IL1RAPL2: variants seen among roughly 807,000 people sequenced by gnomAD.
The protein encoded by IL1RAPL2 is interleukin 1 receptor accessory protein like 2.
Under a neutral mutation model 44.1 loss-of-function variants are expected in IL1RAPL2, and 3 were observed. The observed-to-expected ratio is 0.07, with a 90% CI of 0.03 to 0.18. The LOEUF is 0.18. IL1RAPL2 is among the 10% of genes least tolerant of loss of function. The pLI, the probability that IL1RAPL2 is intolerant of heterozygous loss-of-function variation, is 1.00. For missense variants in IL1RAPL2, 391 were observed against 496.4 expected, an observed-to-expected ratio of 0.79 and a Z score of 2.02; for synonymous variants, 181 against 178.8, an observed-to-expected ratio of 1.01 and a Z score of -0.10.
In IL1RAPL2 at chrX:105,584,982, A is replaced by AT. The variant is rs1385028292; in HGVS notation, c.772+100604dup. ...TCTGTATGATTCCTTTTAGATCACT[A>AT]TTTTTTTTTCCTTTGGAGTGTTTAA... On this transcript the variant is annotated intron_variant, in intron 6 of 10. Coordinates refer to ENST00000372582, the MANE Select transcript of IL1RAPL2 (RefSeq NM_017416.2). Among the ~76,000 whole-genome samples the AT allele has an allele frequency of 7.4e-5, 8 of 107,878 alleles. No individual in the cohort carries two copies. The South Asian group carries it at 1.2e-3, about 16-fold the overall frequency. The allele number at this position is 107,878 out of a possible 115,157, so 93.7% of individuals were successfully genotyped here.
intron 6 of IL1RAPL2, among the ~76,000 whole-genome samples, chrX:105,523,469 A>G (rs2036573519): frequency 9.0e-6 from 1 of 110,930 alleles, no homozygotes; most frequent in Non-Finnish European, 1.9e-5. Context: ...TCAAATCCAC[A>G]TTAGAAACAC....
At chrX:104,885,184 T>C (rs1923196810) in intron 2 of IL1RAPL2, among the ~76,000 whole-genome samples, 1 of 111,326 alleles carries the variant, frequency 9.0e-6, no homozygotes, top group Admixed American at 9.6e-5. Context: ...GCCTGAGAGT[T>C]TGGAGATACC....
intron 6 of IL1RAPL2, among the ~76,000 whole-genome samples, chrX:105,609,490 C>T (rs1258266711): frequency 1.8e-5 from 2 of 111,332 alleles, no homozygotes; most frequent in African/African-American, 3.3e-5. Flanking sequence ...ATATTTTCCT[C>T]ATAGAAAAAT....
chrX:105,334,183 C>A (rs2035010519), intron 5 of IL1RAPL2, among the ~76,000 whole-genome samples: 1 of 111,914 alleles, frequency 8.9e-6, no homozygotes, highest in African/African-American at 3.2e-5. Flanking sequence ...TACAATTCAG[C>A]CATAAACAAG....
intron 2 of IL1RAPL2, among the ~76,000 whole-genome samples, chrX:105,105,452 A>AC (rs2032727260): frequency 1.8e-5 from 2 of 112,269 alleles, no homozygotes; most frequent in African/African-American, 6.5e-5. Flanking sequence ...GGCTCACTCC[A>AC]CCCACTATAC....
chrX:105,004,310 G>A (rs1174897077), intron 2 of IL1RAPL2, among the ~76,000 whole-genome samples: 1 of 110,877 alleles, frequency 9.0e-6, no homozygotes, highest in Non-Finnish European at 1.9e-5. Context: ...TTGACAGGAA[G>A]AGGTCAAAGC....
At chrX:105,158,966 CCT>C (rs750727476) in intron 2 of IL1RAPL2, among the ~76,000 whole-genome samples, 1 of 111,805 alleles carries the variant, frequency 8.9e-6, no homozygotes, top group East Asian at 2.8e-4. Context: ...CTGGAGGGAC[CCT>C]CTCTTCACAG....
intron 2 of IL1RAPL2, among the ~76,000 whole-genome samples, chrX:105,181,145 G>A (rs5916881): frequency 0.21 from 23,729 of 110,876 alleles, 2,430 homozygotes; most frequent in Non-Finnish European, 0.32. Flanking sequence ...AGTCTCTGAT[G>A]ATCTTTTGTG....
At chrX:105,724,274 T>G (rs1435647067) in intron 7 of IL1RAPL2, among the ~76,000 whole-genome samples, 1 of 111,627 alleles carries the variant, frequency 9.0e-6, no homozygotes, top group African/African-American at 3.3e-5. Flanking sequence ...TCACTTGGAC[T>G]TCAGTAAGTA....
At chrX:105,102,074 T>C (rs1300251079) in intron 2 of IL1RAPL2, among the ~76,000 whole-genome samples, 1 of 111,800 alleles carries the variant, frequency 8.9e-6, no homozygotes, top group Non-Finnish European at 1.9e-5. Flanking sequence ...AGAACACCTA[T>C]AGGGAATTCT....
chrX:105,105,657 G>A (rs2147562284), intron 2 of IL1RAPL2, among the ~76,000 whole-genome samples: 1 of 112,250 alleles, frequency 8.9e-6, no homozygotes, highest in East Asian at 2.8e-4. Flanking sequence ...CTGGCTTCCA[G>A]GCCAGTTTTC....
chrX:104,715,402 T>A (rs1220372873), intron 2 of IL1RAPL2, among the ~76,000 whole-genome samples: 1 of 87,751 alleles, frequency 1.1e-5, no homozygotes, highest in Non-Finnish European at 2.2e-5. Context: ...TAGTCTATTT[T>A]ATTTTCTATT....
Position 105,740,438 on chromosome X carries a change from G to A in IL1RAPL2, c.903-108G>A, listed in dbSNP as rs772305604. Reference sequence around the variant, plus strand: ...CATACACCCAGCCAGGATTCTCCACGCCCATCATCAGAGACCTGTGTGAGC... The same window carrying A: ...CATACACCCAGCCAGGATTCTCCACACCCATCATCAGAGACCTGTGTGAGC... On this transcript the variant is annotated intron_variant, in intron 7 of 10. Coordinates refer to ENST00000372582, the MANE Select transcript of IL1RAPL2 (RefSeq NM_017416.2). The A allele has an allele frequency of 5.2e-5, 39 of 746,305 alleles. No homozygotes were observed. In the South Asian group the frequency reaches 1.0e-3, roughly 19 times the overall value. 61.5% of individuals were successfully genotyped at this position (746,305 alleles called of 1,213,427 possible).
chrX:105,253,288 T>C (rs1412387467), intron 4 of IL1RAPL2, among the ~76,000 whole-genome samples: 1 of 111,391 alleles, frequency 9.0e-6, no homozygotes, highest in East Asian at 2.8e-4. Context: ...AAGTTTCTAT[T>C]GACATTATAT....
intron 3 of IL1RAPL2, among the ~76,000 whole-genome samples, chrX:105,232,833 A>T (rs2034083202): frequency 8.9e-6 from 1 of 112,154 alleles, no homozygotes; most frequent in South Asian, 3.7e-4. Flanking sequence ...ATTAATGCCC[A>T]ATTTCTAAAG....
At chrX:105,198,921 C>T (rs1556143462) in intron 3 of IL1RAPL2, among the ~76,000 whole-genome samples, 1 of 111,806 alleles carries the variant, frequency 8.9e-6, no homozygotes, top group Non-Finnish European at 1.9e-5. Flanking sequence ...ATCAATATGA[C>T]TCATAACTGT....
intron 2 of IL1RAPL2, among the ~76,000 whole-genome samples, chrX:104,978,741 A>G (rs1046141347): frequency 8.9e-6 from 1 of 112,210 alleles, no homozygotes; most frequent in Non-Finnish European, 1.9e-5. Flanking sequence ...ATAACAACAG[A>G]TTTCATGCAT....
chrX:104,580,354 T>C (rs1004122), intron 1 of IL1RAPL2, among the ~76,000 whole-genome samples: 38,602 of 111,981 alleles, frequency 0.34, 5,711 homozygotes, highest in East Asian at 0.62. Context: ...ACAAGTAAAA[T>C]ACATTGTCCT....
chrX:104,685,994 A>G (rs1411519587), intron 2 of IL1RAPL2, among the ~76,000 whole-genome samples: 1 of 111,064 alleles, frequency 9.0e-6, no homozygotes, highest in African/African-American at 3.3e-5. Flanking sequence ...GAACATCCAC[A>G]TAGGCCTTGC....
Sources: allele counts gnomAD v4.1 joint callset (sites outside exome capture counted in the v4.1 genomes callset), GRCh38; gene constraint gnomAD v4.1.1; transcripts MANE v1.5; gene names NCBI Gene and HGNC (gene_info 2026-07-23, HGNC 2026-07-21).